The following CNIH3 variants were observed in gnomAD, a reference collection of about 807,000 sequenced individuals.
CNIH3 encodes the protein protein cornichon homolog 3.
In CNIH3, 14 loss-of-function variants were observed where a neutral mutation model predicts 24.1. That is an observed-to-expected ratio of 0.58 (90% CI 0.38 to 0.91). CNIH3 has a LOEUF of 0.91. Among genes scored for constraint, CNIH3 ranks in the 40% least tolerant of loss-of-function variants. The probability of loss-of-function intolerance (pLI) is 0.00; values close to 1 mark genes in which losing one functional copy is unlikely to be tolerated. For missense variants in CNIH3, 178 were observed against 196.8 expected, an observed-to-expected ratio of 0.90 and a Z score of 0.57; for synonymous variants, 68 against 73.8, an observed-to-expected ratio of 0.92 and a Z score of 0.40.
intron 3 of CNIH3, among the ~76,000 whole-genome samples, chr1:224,696,805 G>A (rs1687202088): frequency 6.6e-6 from 1 of 152,084 alleles, no homozygotes; most frequent in Non-Finnish European, 1.5e-5. Flanking sequence ...TGTATGTGGT[G>A]TGTCAGTTGT....
chr1:224,672,454 T>A (rs1316641031), intron 1 of CNIH3, among the ~76,000 whole-genome samples: 1 of 152,164 alleles, frequency 6.6e-6, no homozygotes, highest in African/African-American at 2.4e-5. Context: ...AGGAATTTAT[T>A]CTCTCAAAGT....
chr1:224,666,387 A>G (rs147139377), intron 1 of CNIH3, among the ~76,000 whole-genome samples: 4 of 152,178 alleles, frequency 2.6e-5, no homozygotes, highest in African/African-American at 9.7e-5. Flanking sequence ...CTGAGTTGAT[A>G]CTGTGGTTGC....
In CNIH3 at chr1:224,617,508, C is replaced by T. The variant is rs571258425; in HGVS notation, c.81+253C>T. Reference sequence around the variant, plus strand: ...GGGCCCGACTGGGCGTCCCGGGTCCCGGGCGCCGGGGAGTGGCGGCTACAA... The same window carrying T: ...GGGCCCGACTGGGCGTCCCGGGTCCTGGGCGCCGGGGAGTGGCGGCTACAA... On this transcript the variant is annotated intron_variant, in intron 1 of 5. Coordinates refer to ENST00000272133, the MANE Select transcript of CNIH3 (RefSeq NM_152495.2). 3.9e-5 allele frequency among the ~76,000 whole-genome samples: 6 copies of T among 152,164 alleles called. No individual in the cohort carries two copies. The East Asian group carries it at 9.7e-4, about 25-fold the overall frequency.
intron 1 of CNIH3, among the ~76,000 whole-genome samples, chr1:224,440,858 C>T (rs578088983): frequency 1.3e-5 from 2 of 151,636 alleles, no homozygotes; most frequent in Non-Finnish European, 2.9e-5. Flanking sequence ...GCTCTGTCAC[C>T]CAGGCTGGAG....
chr1:224,698,041 T>C (rs1165554355), intron 3 of CNIH3, among the ~76,000 whole-genome samples: 1 of 152,232 alleles, frequency 6.6e-6, no homozygotes, highest in African/African-American at 2.4e-5. Flanking sequence ...GTAACTTCTA[T>C]GGGACTTGTT....
rs568219120 is a variant in CNIH3, at chr1:224,627,314, C to T, written c.81+10059C>T. ...TGATCTCGGCTCACTGCAACCTCTG[C>T]CCCCGGGTTCAAGCAATTCTCCTGC... is the stretch of plus-strand genomic sequence containing the variant. On this transcript the variant is annotated intron_variant, in intron 1 of 5. Transcript: ENST00000272133. Among the ~76,000 whole-genome samples, 4 of 152,070 alleles carry T rather than the reference C, an allele frequency of 2.6e-5. No homozygotes were observed. The South Asian group carries it at 8.3e-4, about 32-fold the overall frequency.
At chr1:224,559,978 A>G (rs1680296667) in intron 3 of CNIH3, among the ~76,000 whole-genome samples, 1 of 152,084 alleles carries the variant, frequency 6.6e-6, no homozygotes, top group East Asian at 1.9e-4. Context: ...CTATTTTTGA[A>G]CTTTATATAT....
intron 1 of CNIH3, among the ~76,000 whole-genome samples, chr1:224,672,208 A>G (rs1685900632): frequency 2.6e-5 from 4 of 151,620 alleles, no homozygotes; most frequent in Non-Finnish European, 5.9e-5. Context: ...GGTTTGGGGG[A>G]CTTACAGGAA....
At chr1:224,513,300 C>T (rs1208373544), upstream of CNIH3, among the ~76,000 whole-genome samples, 1 of 146,720 alleles carries the variant, frequency 6.8e-6, no homozygotes, top group Non-Finnish European at 1.5e-5. Context: ...AGGCACATAC[C>T]ACCACACCTG....
chr1:224,618,967 C>T (rs1456469683), intron 1 of CNIH3, among the ~76,000 whole-genome samples: 2 of 152,214 alleles, frequency 1.3e-5, no homozygotes, highest in Non-Finnish European at 2.9e-5. Flanking sequence ...CAGCAAACCT[C>T]TGCTAATGTG....
intron 1 of CNIH3, among the ~76,000 whole-genome samples, chr1:224,502,914 C>G (rs1426312199): frequency 2.0e-5 from 3 of 151,968 alleles, no homozygotes; most frequent in Admixed American, 2.0e-4. Flanking sequence ...TGTGAGTTGA[C>G]AGGGGGTAGA....
At chr1:224,738,861 G>T (rs566438506) in intron 5 of CNIH3, among the ~76,000 whole-genome samples, 1 of 152,040 alleles carries the variant, frequency 6.6e-6, no homozygotes, top group Non-Finnish European at 1.5e-5. Flanking sequence ...ATGTTCCCAC[G>T]CTGGCCTTTG....
intron 4 of CNIH3, among the ~76,000 whole-genome samples, chr1:224,578,221 TG>T (rs1681120525): frequency 6.6e-6 from 1 of 152,236 alleles, no homozygotes; most frequent in Admixed American, 6.5e-5. Flanking sequence ...CTATTCCAAC[TG>T]GTAAAATAAA....
At chr1:224,700,088 T>A (rs924885952) in intron 3 of CNIH3, among the ~76,000 whole-genome samples, 1 of 152,164 alleles carries the variant, frequency 6.6e-6, no homozygotes, top group African/African-American at 2.4e-5. Flanking sequence ...CCATCACCGC[T>A]GGACCATTTC....
chr1:224,530,612 T>C (rs1013368231), intron 2 of CNIH3, among the ~76,000 whole-genome samples: 6 of 151,740 alleles, frequency 4.0e-5, no homozygotes, highest in African/African-American at 1.5e-4. Context: ...CTTTTTTTCT[T>C]TTTTTTTAGA....
intron 5 of CNIH3, among the ~76,000 whole-genome samples, chr1:224,736,128 T>G (rs2125249358): frequency 6.6e-6 from 1 of 152,272 alleles, no homozygotes; most frequent in Non-Finnish European, 1.5e-5. Context: ...ACTGAACTCC[T>G]TTTTCCTTTT....
chr1:224,548,346 G>A (rs1406356130), intron 3 of CNIH3, among the ~76,000 whole-genome samples: 1 of 151,896 alleles, frequency 6.6e-6, no homozygotes, highest in Non-Finnish European at 1.5e-5. Context: ...ATCACAGTGG[G>A]TGTACACCCT....
At chr1:224,739,055 C>T (rs918756986) in intron 5 of CNIH3, among the ~76,000 whole-genome samples, 17 of 152,106 alleles carry the variant, frequency 1.1e-4, no homozygotes, top group African/African-American at 4.1e-4. Context: ...TAATCATCAT[C>T]CTGATGAGAA....
intron 1 of CNIH3, among the ~76,000 whole-genome samples, chr1:224,626,023 G>C (rs1044907347): frequency 6.6e-6 from 1 of 151,892 alleles, no homozygotes; most frequent in Admixed American, 6.6e-5. Flanking sequence ...TTGTGGGTTA[G>C]ATAAGGCAGA....
Sources: allele counts gnomAD v4.1 joint callset (sites outside exome capture counted in the v4.1 genomes callset), GRCh38; gene constraint gnomAD v4.1.1; transcripts MANE v1.5; gene names NCBI Gene and HGNC (gene_info 2026-07-23, HGNC 2026-07-21).